DDX46: variants seen among roughly 807,000 people sequenced by gnomAD.
DDX46 encodes DEAD-box helicase 46, also known as probable ATP-dependent RNA helicase DDX46.
A neutral mutation model predicts 134.9 loss-of-function variants in DDX46; 30 were observed. The ratio of observed to expected loss-of-function variants is 0.22; its 90% CI spans 0.17 to 0.30. The LOEUF (loss-of-function observed/expected upper bound fraction) is 0.30, where lower values mean the gene tolerates loss of function less well. DDX46 is among the 10% of genes least tolerant of loss of function. The pLI, the probability that DDX46 is intolerant of heterozygous loss-of-function variation, is 1.00. For missense variants in DDX46, 622 were observed against 1,248.7 expected (o/e 0.50, Z 7.56); for synonymous variants, 415 against 404.1 (o/e 1.03, Z -0.32).
chr5:134,763,909 A>G lies in DDX46; in HGVS notation c.23A>G (p.Tyr8Cys). ...TCTTTGACTTATTGTTCTAGCCACT[A>G]TCGAAAACGATCGGCATCCCGGGGT... is the stretch of plus-strand genomic sequence containing the variant. MGRESRH[Y>C]RKRSASRGRS... The change falls in exon 2 of 23, where the codon TAT becomes TGT. Residue 8 changes from tyrosine to cysteine, a missense_variant. This residue lies in a region of DDX46 where 244 missense variants were observed against 349.3 expected (regional missense o/e 0.70). Coordinates refer to ENST00000452510, the MANE Select transcript of DDX46 (RefSeq NM_001300860.2). 2 of 1,614,008 alleles carry G rather than the reference A, an allele frequency of 1.2e-6. No homozygotes were observed. The highest frequency in any genetic ancestry group is 1.7e-6 in the Non-Finnish European group (2 of 1,179,948).
chr5:134,773,979 T>G, intron 5 of DDX46, 118 bp downstream of exon 5: 1 of 1,078,538 alleles, frequency 9.3e-7, no homozygotes, highest in Non-Finnish European at 1.3e-6. Flanking sequence ...ATATGCTGTT[T>G]ACCATTTTCA....
chr5:134,816,489 T>C lies in DDX46; in HGVS notation c.2496T>C (p.Ala832=), dbSNP rs576472248. The part of the protein sequence containing the change: ...NSKKRVKDMA[A]PGTSSVPAPT... ...AGAAGAGAGTAAAGGATATGGCTGC[T>C]CCTGGAACATCAAGTGTTCCTGCTC... is the stretch of plus-strand genomic sequence containing the variant. The change falls in exon 19 of 23, where the codon GCT becomes GCC. Residue 832 remains alanine, a synonymous_variant. Coordinates refer to ENST00000452510, the MANE Select transcript of DDX46 (RefSeq NM_001300860.2). 6.8e-6 allele frequency: 11 copies of C among 1,613,956 alleles called. No individual in the cohort carries two copies. Among genetic ancestry groups the C allele is most frequent in the Non-Finnish European group, 7.6e-6 (9 of 1,180,012 alleles).
intron 21 of DDX46, chr5:134,826,229 G>A (rs922815510): frequency 6.6e-6 from 1 of 152,052 alleles, no homozygotes; most frequent in Non-Finnish European, 1.5e-5. Context: ...CTTTTAAAGA[G>A]CATGAATTTG....
At chr5:134,776,317 G>A (rs963790550) in intron 5 of DDX46, among the ~76,000 whole-genome samples, 1 of 151,902 alleles carries the variant, frequency 6.6e-6, no homozygotes, top group Non-Finnish European at 1.5e-5. Flanking sequence ...TTGAACCTGG[G>A]AGGTGAAGGT....
intron 8 of DDX46, among the ~76,000 whole-genome samples, chr5:134,782,598 G>C (rs1561859077): frequency 6.6e-6 from 1 of 151,816 alleles, no homozygotes; most frequent in Non-Finnish European, 1.5e-5. Flanking sequence ...GCTCACTGTA[G>C]CCTTGATTTC....
chr5:134,796,516 A>G (rs1197025955), intron 15 of DDX46, among the ~76,000 whole-genome samples: 1 of 152,180 alleles, frequency 6.6e-6, no homozygotes, highest in Non-Finnish European at 1.5e-5. Context: ...TGATATTGCT[A>G]TCACATGCAT....
At chr5:134,798,681 C>T (rs918653326) in intron 15 of DDX46, among the ~76,000 whole-genome samples, 2 of 152,224 alleles carry the variant, frequency 1.3e-5, no homozygotes, top group African/African-American at 4.8e-5. Context: ...ATTCTGCTTT[C>T]TGTCTCTATG....
intron 8 of DDX46, among the ~76,000 whole-genome samples, chr5:134,782,496 A>G (rs888503189): frequency 6.6e-6 from 1 of 151,964 alleles, no homozygotes; most frequent in African/African-American, 2.4e-5. Flanking sequence ...ACAAAAATAA[A>G]AAAAATTGTT....
chr5:134,783,894 A>T (rs1274358446), intron 9 of DDX46, among the ~76,000 whole-genome samples: 1 of 145,518 alleles, frequency 6.9e-6, no homozygotes, highest in African/African-American at 2.6e-5. Flanking sequence ...TATGTTGACC[A>T]GGCTGGTCTC....
At chr5:134,797,095 A>T (rs1376631342) in intron 15 of DDX46, 1 of 204,244 alleles carries the variant, frequency 4.9e-6, no homozygotes. Flanking sequence ...GGTTGCCGGG[A>T]GGCAGAAGTT....
At chr5:134,771,516 C>T (rs575277392) in intron 4 of DDX46, among the ~76,000 whole-genome samples, 4 of 148,052 alleles carry the variant, frequency 2.7e-5, no homozygotes, top group Non-Finnish European at 6.0e-5. Context: ...CATGGTGAAA[C>T]CCTGTCTCTA....
At chr5:134,768,486 A>G (rs1346404729) in intron 3 of DDX46, among the ~76,000 whole-genome samples, 1 of 151,322 alleles carries the variant, frequency 6.6e-6, no homozygotes. Context: ...TTCTGTGTAC[A>G]AAAAGCAATT....
chr5:134,772,395 G>C (rs1220204800), intron 4 of DDX46, among the ~76,000 whole-genome samples: 1 of 151,994 alleles, frequency 6.6e-6, no homozygotes, highest in African/African-American at 2.4e-5. Flanking sequence ...GGTTGTATGT[G>C]CCTGTAATCC....
chr5:134,790,992 C>CTTTTGTA (rs59402851), intron 13 of DDX46, among the ~76,000 whole-genome samples: 65,639 of 151,442 alleles, frequency 0.43, 17,329 homozygotes, highest in African/African-American at 0.73. Flanking sequence ...GCCCGGTTAA[C>CTTTTGTA]TTTTTAATAG....
At position 134,773,866 on chromosome 5, in the gene DDX46, A is replaced by AT. The variant is rs770003459; in HGVS notation, c.613+11dup. ...GGAGTTTAGAGGACGATGATGGTAT[A>AT]TTTTTTAGCCTAATAGCCTGTATAA... On this transcript the variant is annotated splice_donor_region_variant and intron_variant, in intron 5 of 22. Coordinates refer to ENST00000452510, the MANE Select transcript of DDX46 (RefSeq NM_001300860.2). The AT allele has an allele frequency of 1.3e-6, 2 of 1,595,038 alleles. No individual in the cohort carries two copies. Among genetic ancestry groups the AT allele is most frequent in the Non-Finnish European group, 1.7e-6 (2 of 1,172,800 alleles).
At chr5:134,827,441 A>G (rs528658229) in intron 22 of DDX46, among the ~76,000 whole-genome samples, 2 of 151,988 alleles carry the variant, frequency 1.3e-5, no homozygotes, top group Non-Finnish European at 2.9e-5. Context: ...CATCTGGCTA[A>G]TTTTTGTATT....
In DDX46 at chr5:134,830,812, G is replaced by C. The variant is rs1755718950; in HGVS notation, c.*2106G>C. The C allele has an allele frequency of 6.6e-6, 1 of 152,536 alleles. No individual in the cohort carries two copies. The highest frequency in any genetic ancestry group is 2.1e-4 in the South Asian group (1 of 4,828). The allele number at this position is 152,536 out of a possible 1,614,324, so 9.4% of individuals were successfully genotyped here. On this transcript the variant is annotated 3_prime_UTR_variant, in exon 23 of 23. Transcript: ENST00000452510. ...TATTTGCTCATCTTTATCACCTAATGGTAGTTTGTTTTCTTTGGTAGAGTA... is the reference window on the plus strand; with the variant it reads ...TATTTGCTCATCTTTATCACCTAATCGTAGTTTGTTTTCTTTGGTAGAGTA...
intron 19 of DDX46, 181 bp downstream of exon 19, chr5:134,816,787 C>A: frequency 1.6e-6 from 1 of 629,166 alleles, no homozygotes; most frequent in Non-Finnish European, 2.6e-6. Flanking sequence ...GTGCTATTGA[C>A]TGAGGACTTT....
intron 5 of DDX46, among the ~76,000 whole-genome samples, chr5:134,775,479 T>C (rs1753905948): frequency 6.6e-6 from 1 of 152,000 alleles, no homozygotes; most frequent in Non-Finnish European, 1.5e-5. Context: ...TGCCGTGATC[T>C]CGGCTCACTG....
Sources: allele counts gnomAD v4.1 joint callset (sites outside exome capture counted in the v4.1 genomes callset), GRCh38; gene constraint gnomAD v4.1.1; regional missense constraint gnomAD v4.1.1; transcripts MANE v1.5; gene names NCBI Gene and HGNC (gene_info 2026-07-23, HGNC 2026-07-21).